Variants in BMS1 observed in about 807,000 individuals in gnomAD.
The protein encoded by BMS1 is ribosome biogenesis protein BMS1 homolog.
BMS1 carries 53 observed loss-of-function variants against 138.7 expected under a neutral mutation model. That is an observed-to-expected ratio of 0.38 (90% CI 0.31 to 0.48). The LOEUF is 0.48. Among genes scored for constraint, BMS1 ranks in the 20% least tolerant of loss-of-function variants. BMS1 has a pLI of 0.97. For missense variants in BMS1, 1,360 were observed against 1,565.5 expected (o/e 0.87, Z 2.22); for synonymous variants, 504 against 539.9 (o/e 0.93, Z 0.92).
intron 13 of BMS1, among the ~76,000 whole-genome samples, chr10:42,811,918 A>G (rs902033732): frequency 1.3e-5 from 2 of 152,160 alleles, no homozygotes; most frequent in African/African-American, 4.8e-5. Flanking sequence ...AAGTATTTAG[A>G]GAGTTTCCTG....
chr10:42,822,857 C>G (rs1334608783), intron 19 of BMS1, among the ~76,000 whole-genome samples: 2 of 152,204 alleles, frequency 1.3e-5, no homozygotes, highest in Non-Finnish European at 2.9e-5. Flanking sequence ...TCCAGTAAAT[C>G]CCTCTTCGAT....
chr10:42,787,168 G>T lies in BMS1; in HGVS notation c.368G>T (p.Gly123Val). 1 of 1,114,118 alleles carries T rather than the reference G, an allele frequency of 9.0e-7. No individual in the cohort carries two copies. Among genetic ancestry groups the T allele is most frequent in the Non-Finnish European group, 1.3e-6 (1 of 743,980 alleles). 69.0% of individuals were successfully genotyped at this position (1,114,118 alleles called of 1,614,324 possible). ...EIRGPVTIVS[G>V]KKRRLTIIEC... ...AAAATTTTCATCTTTTCACTTATAG[G>T]TAAAAAGCGCAGACTCACCATTATT... The change falls in exon 4 of 23, where the codon GGT becomes GTT. Residue 123 changes from glycine to valine, a missense_variant and splice_region_variant. Gly to Val is a moderately radical substitution (Grantham distance 109). This residue lies in a region of BMS1 where 238 missense variants were observed against 311.1 expected (regional missense o/e 0.77). Coordinates refer to ENST00000374518, the MANE Select transcript of BMS1 (RefSeq NM_014753.4).
rs1488007685 is a variant in BMS1 at position 42,793,719 on chromosome 10, C to G, written c.1090-133C>G. The G allele has an allele frequency of 3.7e-6, 4 of 1,081,286 alleles. No homozygotes were observed. The African/African-American group carries it at 4.8e-5, about 13-fold the overall frequency. The allele number at this position is 1,081,286 out of a possible 1,614,324, so 67.0% of individuals were successfully genotyped here. A position where few individuals can be genotyped will look rare whatever the true frequency, so the allele number is the denominator to read the frequency against. On this transcript the variant is annotated intron_variant, in intron 8 of 22. Coordinates refer to ENST00000374518, the MANE Select transcript of BMS1 (RefSeq NM_014753.4). ...CAAGCTTTGTTGTAAGGATTTTCTT[C>G]TCTGCTTTTTGAGGCATTAAGAAAG...
At position 42,802,146 on chromosome 10, in the gene BMS1, A is replaced by G; in HGVS notation, c.2257A>G (p.Ser753Gly). The G allele has an allele frequency of 1.2e-6, 2 of 1,612,524 alleles. No homozygotes were observed. The highest frequency in any genetic ancestry group is 1.7e-5 in the Admixed American group (1 of 59,868). ...GACTTTTCTGCGTAAGGTTATGAAC[A>G]GTATCAGAGATTGCTTCGTGACTGG... ...HDWDLEEVMN[S>G]IRDCFVTGKW... The change falls in exon 13 of 23, where the codon AGT becomes GGT. Residue 753 changes from serine to glycine, a missense_variant. By Grantham distance (56) the Ser-to-Gly change is moderately conservative (BLOSUM62 0). This residue lies in a region of BMS1 where 697 missense variants were observed against 686.2 expected (regional missense o/e 1.02). Coordinates refer to ENST00000374518, the MANE Select transcript of BMS1 (RefSeq NM_014753.4).
chr10:42,822,520 A>G (rs1438720987), intron 19 of BMS1, among the ~76,000 whole-genome samples: 1 of 152,204 alleles, frequency 6.6e-6, no homozygotes, highest in Non-Finnish European at 1.5e-5. Context: ...AAGGGAAAAA[A>G]ATCACAAGTT....
intron 9 of BMS1, among the ~76,000 whole-genome samples, chr10:42,796,078 T>G (rs1205940467): frequency 6.6e-6 from 1 of 152,256 alleles, no homozygotes; most frequent in Non-Finnish European, 1.5e-5. Context: ...GGATCCAGGC[T>G]CATTTTGCCT....
chr10:42,790,230 T>C, intron 4 of BMS1, 93 bp from the exon 5 acceptor site: 1 of 1,163,748 alleles, frequency 8.6e-7, no homozygotes, highest in Non-Finnish European at 1.3e-6. Context: ...ACACAGGTGA[T>C]GGGCTGGATT....
Position 42,793,024 on chromosome 10 carries a change from A to G in BMS1, c.969A>G (p.Gln323=), listed in dbSNP as rs181818917. ...ACCCTTGCGCTCTTCCTGAACAACA[A>G]AAGAAGCGCTGTTTAAATGAGAAGG... ...LPDPCALPEQ[Q]KKRCLNEKEK... is the part of the protein sequence containing the mutation. The change falls in exon 8 of 23, where the codon CAA becomes CAG. Residue 323 remains glutamine, a synonymous_variant. Coordinates refer to ENST00000374518, the MANE Select transcript of BMS1 (RefSeq NM_014753.4). The G allele has an allele frequency of 1.6e-5, 26 of 1,613,800 alleles. No individual in the cohort carries two copies. The Admixed American group carries it at 4.3e-4, about 27-fold the overall frequency.
intron 15 of BMS1, among the ~76,000 whole-genome samples, chr10:42,819,796 G>T (rs1476230333): frequency 2.0e-4 from 30 of 151,692 alleles, no homozygotes; most frequent in Admixed American, 3.9e-4. Context: ...TTTTTTTTTG[G>T]TTTTTTGTTT....
intron 13 of BMS1, 40 bp downstream of exon 13, chr10:42,802,258 C>A: frequency 1.3e-6 from 2 of 1,562,496 alleles, no homozygotes; most frequent in South Asian, 2.3e-5. Context: ...ACTGGCTTCT[C>A]TAAACTTTAT....
At chr10:42,787,038 A>G in intron 3 of BMS1, 130 bp from the exon 4 acceptor site, 3 of 713,086 alleles carry the variant, frequency 4.2e-6, no homozygotes. Context: ...GTAAAAATGA[A>G]CTTCTTGTAT....
At position 42,831,109 on chromosome 10, in the gene BMS1, G is replaced by A; in HGVS notation, c.*13G>A. The A allele has an allele frequency of 6.4e-7, 1 of 1,553,392 alleles. No homozygotes were observed. Reference sequence around the variant, plus strand: ...CCAATTGCAGTGAGCCTTTGGACTGGAGGGACTGTCCCTGGATCTGCGGAG... The same window carrying A: ...CCAATTGCAGTGAGCCTTTGGACTGAAGGGACTGTCCCTGGATCTGCGGAG... On this transcript the variant is annotated 3_prime_UTR_variant, in exon 23 of 23. Coordinates refer to ENST00000374518, the MANE Select transcript of BMS1 (RefSeq NM_014753.4).
In BMS1 at chr10:42,791,732, A is replaced by G. The variant is rs1375905786; in HGVS notation, c.742A>G (p.Thr248Ala). ...TACAGTTATGAAGTTTAGGCCTCTC[A>G]CATGGCAAACTTCTCACCCTTATAT... ...FITVMKFRPL[T>A]WQTSHPYILA... The change falls in exon 6 of 23, where the codon ACA (threonine) becomes GCA (alanine). Residue 248 changes from threonine to alanine, a missense_variant. Thr to Ala is a moderately conservative substitution (Grantham distance 58). Around this residue, in one of 3 missense-constraint regions of BMS1, gnomAD observed 238 missense variants for 311.1 expected, o/e 0.77. Transcript: ENST00000374518. 6.2e-7 allele frequency: 1 copy of G among 1,613,164 alleles called. No individual in the cohort carries two copies. Among genetic ancestry groups the G allele is most frequent in the South Asian group, 1.1e-5 (1 of 90,826 alleles).
At chr10:42,803,809 C>G (rs1841940288) in intron 13 of BMS1, among the ~76,000 whole-genome samples, 1 of 152,160 alleles carries the variant, frequency 6.6e-6, no homozygotes, top group Admixed American at 6.5e-5. Context: ...ATTTGATAAG[C>G]TTTGATATGT....
chr10:42,823,287 C>T, intron 20 of BMS1, 22 bp downstream of exon 20: 1 of 1,541,154 alleles, frequency 6.5e-7, no homozygotes. Context: ...GAGTAGTGTT[C>T]AGGGCAGGGT....
chr10:42,787,045 G>A (rs1841356787), intron 3 of BMS1, 123 bp from the exon 4 acceptor site: 1 of 746,104 alleles, frequency 1.3e-6, no homozygotes, highest in East Asian at 2.6e-5. Context: ...TGAACTTCTT[G>A]TATGCTCCTG....
At position 42,796,885 on chromosome 10, in the gene BMS1, T is replaced by G; in HGVS notation, c.1641T>G (p.Ser547Arg). The change falls in exon 10 of 23, where the codon AGT becomes AGG. Residue 547 changes from serine (S) to arginine (R), a missense_variant. Ser to Arg is a moderately radical substitution (Grantham distance 110). Transcript: ENST00000374518. ...GATCAAAGGCTGCTGGAGAAGGTAG[T>G]AAAGCAGGGCTGTCACCAGCTAATT... ...ISGSKAAGEG[S>R]KAGLSPANCQ... The G allele has an allele frequency of 6.2e-7, 1 of 1,614,172 alleles. No individual in the cohort carries two copies. The highest frequency in any genetic ancestry group is 8.5e-7 in the Non-Finnish European group (1 of 1,180,028).
intron 18 of BMS1, 49 bp downstream of exon 18, chr10:42,821,041 C>T (rs1462107875): frequency 7.0e-7 from 1 of 1,424,270 alleles, no homozygotes; most frequent in Non-Finnish European, 9.8e-7. Context: ...AGAAATATAT[C>T]CTGGGTGTGG....
At chr10:42,808,490 G>A (rs1222736934) in intron 13 of BMS1, among the ~76,000 whole-genome samples, 1 of 151,602 alleles carries the variant, frequency 6.6e-6, no homozygotes, top group Admixed American at 6.6e-5. Context: ...TAGTAGAGAC[G>A]GGGTTTCACA....
Sources: allele counts gnomAD v4.1 joint callset (sites outside exome capture counted in the v4.1 genomes callset), GRCh38; gene constraint gnomAD v4.1.1; regional missense constraint gnomAD v4.1.1; transcripts MANE v1.5; gene names NCBI Gene and HGNC (gene_info 2026-07-23, HGNC 2026-07-21).